Variants in DERA observed in about 807,000 individuals in gnomAD.
DERA encodes deoxyribose-phosphate aldolase.
DERA carries 15 observed loss-of-function variants against 41.1 expected under a neutral mutation model. The observed-to-expected ratio is 0.37, with a 90% confidence interval of 0.24 to 0.56. The LOEUF is 0.56. DERA is among the 20% of genes least tolerant of loss of function. The probability of loss-of-function intolerance (pLI) is 0.81; values close to 1 mark genes in which losing one functional copy is unlikely to be tolerated. For synonymous variants in DERA, 139 were observed against 137.4 expected (o/e 1.01, Z -0.08); for missense variants, 396 against 403.4 (o/e 0.98, Z 0.16).
At chr12:15,939,959 G>C (rs533342444) in intron 1 of DERA, among the ~76,000 whole-genome samples, 2 of 152,306 alleles carry the variant, frequency 1.3e-5, no homozygotes, top group African/African-American at 4.8e-5. Flanking sequence ...AGCATATTTG[G>C]ATGAAATTAT....
intron 5 of DERA, among the ~76,000 whole-genome samples, chr12:15,980,698 C>T (rs548156563): frequency 5.9e-5 from 9 of 152,006 alleles, no homozygotes; most frequent in Admixed American, 1.3e-4. Flanking sequence ...CAGAACTGCA[C>T]GTTATTAAGG....
chr12:15,923,897 A>C (rs1358240678), intron 1 of DERA, among the ~76,000 whole-genome samples: 1 of 152,140 alleles, frequency 6.6e-6, no homozygotes, highest in African/African-American at 2.4e-5. Flanking sequence ...TTCAAATAGA[A>C]CACATTTATT....
rs1336088796 is a variant in DERA, at chr12:15,941,818, T to C, written c.32-15118T>C. Among the ~76,000 whole-genome samples, 1 of 152,260 alleles carries C rather than the reference T, an allele frequency of 6.6e-6. No homozygotes were observed. Among genetic ancestry groups the C allele is most frequent in the East Asian group, 1.9e-4 (1 of 5,202 alleles). ...TCCGTATCTTTGCATTTGCAAAATGTGCTGCAATAAACATACATGTGCATG... is the reference window on the plus strand; with the variant it reads ...TCCGTATCTTTGCATTTGCAAAATGCGCTGCAATAAACATACATGTGCATG... On this transcript the variant is annotated intron_variant, in intron 1 of 8. Coordinates refer to ENST00000428559, the MANE Select transcript of DERA (RefSeq NM_015954.4). This position sits in a 1 kb window ranked among gnomAD's most constrained non-coding sequence, Gnocchi z 4.5.
intron 1 of DERA, among the ~76,000 whole-genome samples, chr12:15,920,248 T>C (rs1391003798): frequency 6.6e-6 from 1 of 152,172 alleles, no homozygotes; most frequent in Non-Finnish European, 1.5e-5. Context: ...TTGTTTTTCA[T>C]GTCATGGAAT....
chr12:16,006,461 ATTAG>A (rs1948911393), intron 6 of DERA, among the ~76,000 whole-genome samples: 1 of 152,236 alleles, frequency 6.6e-6, no homozygotes, highest in Admixed American at 6.5e-5. Flanking sequence ...AACGTTACCT[ATTAG>A]TTAGTGAGCG....
rs1948854085 is a variant in DERA, at chr12:15,998,480, G to T, written c.637+16044G>T. ...TTACAGGCATCCACCACCATGCCCG[G>T]CTAATTTTCTATTTTTAGTAGAGAT... is the stretch of plus-strand genomic sequence containing the variant. On this transcript the variant is annotated intron_variant, in intron 6 of 8. Coordinates refer to ENST00000428559, the MANE Select transcript of DERA (RefSeq NM_015954.4). The surrounding 1 kb of genome is among the most constrained non-coding windows in gnomAD (Gnocchi z 4.8). 6.6e-6 allele frequency among the ~76,000 whole-genome samples: 1 copy of T among 152,080 alleles called. No individual in the cohort carries two copies. Among genetic ancestry groups the T allele is most frequent in the Admixed American group, 6.6e-5 (1 of 15,258 alleles).
intron 7 of DERA, among the ~76,000 whole-genome samples, chr12:16,033,681 G>T (rs1949108817): frequency 6.6e-6 from 1 of 150,596 alleles, no homozygotes; most frequent in Non-Finnish European, 1.5e-5. Flanking sequence ...CTTGATTTGT[G>T]CCAAATAGAA....
chr12:15,980,537 A>C (rs1017779382), intron 5 of DERA, among the ~76,000 whole-genome samples: 11 of 150,524 alleles, frequency 7.3e-5, no homozygotes, highest in African/African-American at 2.7e-4. Context: ...AAAGAATATA[A>C]TTTTTTTTTT....
At chr12:16,027,811 CATG>C (rs541931194) in intron 6 of DERA, among the ~76,000 whole-genome samples, 178 of 152,286 alleles carry the variant, frequency 1.2e-3, no homozygotes, top group Non-Finnish European at 2.0e-3. Flanking sequence ...TGTTTACAAA[CATG>C]ATCGTAGAAA....
At chr12:15,917,487 C>T (rs1820772811) in intron 1 of DERA, among the ~76,000 whole-genome samples, 1 of 152,098 alleles carries the variant, frequency 6.6e-6, no homozygotes, top group Non-Finnish European at 1.5e-5. Flanking sequence ...GAGTGCTTTT[C>T]TAACATAATC....
chr12:15,986,433 G>A (rs905311331), intron 6 of DERA, among the ~76,000 whole-genome samples: 4 of 152,078 alleles, frequency 2.6e-5, no homozygotes, highest in African/African-American at 9.7e-5. Flanking sequence ...GGGTTCATTA[G>A]CTATCTTGTA....
rs1948571724 is a variant in DERA, at chr12:15,959,975, C to T, written c.373+51C>T. On this transcript the variant is annotated intron_variant, in intron 4 of 8. Transcript: ENST00000428559. The surrounding 1 kb of genome is among the most constrained non-coding windows in gnomAD (Gnocchi z 4.5). ...TTATTTTTTAAACATGTTTCCAGTT[C>T]TTCATACAATGGGGTATTATATGTA... 2 of 1,339,728 alleles carry T rather than the reference C, an allele frequency of 1.5e-6. No individual in the cohort carries two copies. The highest frequency in any genetic ancestry group is 2.1e-6 in the Non-Finnish European group (2 of 960,374). The allele number at this position is 1,339,728 out of a possible 1,614,324, so 83.0% of individuals were successfully genotyped here. A position where few individuals can be genotyped will look rare whatever the true frequency, so the allele number is the denominator to read the frequency against.
rs148618508 is a variant in DERA at position 15,965,506 on chromosome 12, G to A, written c.508+2559G>A. On this transcript the variant is annotated intron_variant, in intron 5 of 8. Coordinates refer to ENST00000428559, the MANE Select transcript of DERA (RefSeq NM_015954.4). The surrounding 1 kb of genome is among the most constrained non-coding windows in gnomAD (Gnocchi z 4.1). Reference sequence around the variant, plus strand: ...GTGTTGTTCCCCTCCCTGTGTCCATGTGTTCTCATTAAGAGCCCCATTTTT... The same window carrying A: ...GTGTTGTTCCCCTCCCTGTGTCCATATGTTCTCATTAAGAGCCCCATTTTT... Among the ~76,000 whole-genome samples, 1 of 152,158 alleles carries A rather than the reference G, an allele frequency of 6.6e-6. No homozygotes were observed. The highest frequency in any genetic ancestry group is 2.4e-5 in the African/African-American group (1 of 41,502).
chr12:15,974,186 G>A (rs923705888), intron 5 of DERA, among the ~76,000 whole-genome samples: 2 of 152,058 alleles, frequency 1.3e-5, no homozygotes, highest in Non-Finnish European at 2.9e-5. Flanking sequence ...CAAGGACAAG[G>A]ACAGGGACAC....
intron 1 of DERA, among the ~76,000 whole-genome samples, chr12:15,917,958 T>C (rs939868582): frequency 4.6e-5 from 7 of 152,182 alleles, no homozygotes; most frequent in African/African-American, 1.7e-4. Flanking sequence ...GTATGTACTG[T>C]ATACACACAC....
At chr12:16,032,932 A>AAAATTT in intron 7 of DERA, 1 of 327,666 alleles carries the variant, frequency 3.1e-6, no homozygotes, top group Non-Finnish European at 5.6e-6. Context: ...TGTCACTGAC[A>AAAATTT]AGAGATTCCT....
rs907070057 is a variant in DERA, at chr12:15,924,641, A to G, written c.31+13227A>G. Among the ~76,000 whole-genome samples, 3 of 152,162 alleles carry G rather than the reference A, an allele frequency of 2.0e-5. No homozygotes were observed. The highest frequency in any genetic ancestry group is 6.5e-5 in the Admixed American group (1 of 15,284). On this transcript the variant is annotated intron_variant, in intron 1 of 8. Transcript: ENST00000428559. This position sits in a 1 kb window ranked among gnomAD's most constrained non-coding sequence, Gnocchi z 5.0. ...GCTACCTGGTAGAGTTAGTGAGACT[A>G]TTAAGTGAGATATATAATTAAATTA...
chr12:15,967,934 CT>C lies in DERA; in HGVS notation c.508+4988del, dbSNP rs1565599421. Among the ~76,000 whole-genome samples the C allele has an allele frequency of 6.6e-6, 1 of 152,118 alleles. No individual in the cohort carries two copies. The highest frequency in any genetic ancestry group is 1.5e-5 in the Non-Finnish European group (1 of 68,028). The stretch of plus-strand genomic sequence containing the variant: ...TTCCTGACAGGATTAGCATATCCCC[CT>C]GGGCATTTGTGATAAAAGAATTGAG... On this transcript the variant is annotated intron_variant, in intron 5 of 8. Coordinates refer to ENST00000428559, the MANE Select transcript of DERA (RefSeq NM_015954.4). The surrounding 1 kb of genome is among the most constrained non-coding windows in gnomAD (Gnocchi z 4.9).
rs753794908 is a variant in DERA at position 16,000,755 on chromosome 12, T to C, written c.637+18319T>C. 3.3e-5 allele frequency among the ~76,000 whole-genome samples: 5 copies of C among 152,218 alleles called. No homozygotes were observed. Among genetic ancestry groups the C allele is most frequent in the Admixed American group, 2.0e-4 (3 of 15,270 alleles). ...TTGATATTAACATTCTAGTGAATAA[T>C]TAAAATATTCCTGTTTATTTTTTAA... is the stretch of plus-strand genomic sequence containing the variant. On this transcript the variant is annotated intron_variant, in intron 6 of 8. Coordinates refer to ENST00000428559, the MANE Select transcript of DERA (RefSeq NM_015954.4). The surrounding 1 kb of genome is among the most constrained non-coding windows in gnomAD (Gnocchi z 4.8).
Sources: gnomAD v4.1 joint callset for allele counts (sites outside exome capture counted in the v4.1 genomes callset) on GRCh38, gnomAD v4.1.1 for gene constraint, Gnocchi (gnomAD v3.1) non-coding constraint, MANE v1.5 for transcripts, NCBI Gene and HGNC (gene_info 2026-07-23, HGNC 2026-07-21) for gene names.